Variants in LRBA observed in about 807,000 individuals in gnomAD.
The protein encoded by LRBA is LPS responsive beige-like anchor protein, also known as lipopolysaccharide-responsive and beige-like anchor protein.
In LRBA, 176 loss-of-function variants were observed where a neutral mutation model predicts 330.0. The observed-to-expected ratio is 0.53, with a 90% CI of 0.47 to 0.60. The LOEUF is 0.60. Ranked by LOEUF, LRBA falls within the 20% of genes least tolerant of loss-of-function variation. The pLI is 0.00. For missense variants in LRBA, 3,259 were observed against 3,444.8 expected, an observed-to-expected ratio of 0.95 and a Z score of 1.35; for synonymous variants, 1,230 against 1,193.0, an observed-to-expected ratio of 1.03 and a Z score of -0.64.
In LRBA at chr4:150,467,196, T is replaced by G. The variant is rs569485305; in HGVS notation, c.6780+477A>C. Among the ~76,000 whole-genome samples, 6 of 152,238 alleles carry G rather than the reference T, an allele frequency of 3.9e-5. No homozygotes were observed. In the East Asian group the frequency reaches 9.6e-4, roughly 24 times the overall value. ...AAATACATTGAAATCTATGAGTTCATAAAGATACTTTTTTAATAGTCAGTT... is the reference window on the plus strand; with the variant it reads ...AAATACATTGAAATCTATGAGTTCAGAAAGATACTTTTTTAATAGTCAGTT... On this transcript the variant is annotated intron_variant, in intron 44 of 56. Transcript: ENST00000651943.
chr4:150,344,121 C>T (rs1735952158), intron 48 of LRBA, among the ~76,000 whole-genome samples: 1 of 152,056 alleles, frequency 6.6e-6, no homozygotes, highest in Admixed American at 6.6e-5. Context: ...GGATCTTTCC[C>T]ATTAATATAG....
intron 20 of LRBA, among the ~76,000 whole-genome samples, chr4:150,868,597 G>C (rs1753034265): frequency 6.6e-6 from 1 of 152,140 alleles, no homozygotes; most frequent in Admixed American, 6.6e-5. Context: ...AAATGTCAGT[G>C]AAACTGCTTA....
At chr4:150,608,364 G>A (rs1028446431) in intron 37 of LRBA, among the ~76,000 whole-genome samples, 2 of 152,150 alleles carry the variant, frequency 1.3e-5, no homozygotes, top group Non-Finnish European at 2.9e-5. Context: ...GAAAGATGGG[G>A]ATGAATATTG....
rs147240731 is a variant in LRBA at position 150,770,668 on chromosome 4, A to G, written c.5581-8821T>C. ...GTAACAATTACATTTCTTGTTCTGTAAATGGTCATGTGATCACAGTTGGTA... is the reference window on the plus strand; with the variant it reads ...GTAACAATTACATTTCTTGTTCTGTGAATGGTCATGTGATCACAGTTGGTA... On this transcript the variant is annotated intron_variant, in intron 34 of 56. Coordinates refer to ENST00000651943, the MANE Select transcript of LRBA (RefSeq NM_001364905.1). 3.4e-3 allele frequency among the ~76,000 whole-genome samples: 515 copies of G among 152,120 alleles called. 2 individuals carry two copies. The highest frequency in any genetic ancestry group is 0.012 in the African/African-American group (490 of 41,496).
At chr4:150,454,270 T>C (rs931550162) in intron 44 of LRBA, among the ~76,000 whole-genome samples, 1 of 152,142 alleles carries the variant, frequency 6.6e-6, no homozygotes, top group Non-Finnish European at 1.5e-5. Flanking sequence ...CAAAAATTTG[T>C]ATTTTAATTT....
chr4:150,950,965 A>C (rs1318295547), intron 2 of LRBA, among the ~76,000 whole-genome samples: 2 of 152,232 alleles, frequency 1.3e-5, no homozygotes. Flanking sequence ...GGTGAAAAAG[A>C]AGGGCTCTTG....
chr4:150,657,478 A>G (rs899445249), intron 37 of LRBA, among the ~76,000 whole-genome samples: 2 of 152,024 alleles, frequency 1.3e-5, no homozygotes, highest in Non-Finnish European at 2.9e-5. Flanking sequence ...ACCTCAAATT[A>G]TAGGGAAAAA....
intron 13 of LRBA, among the ~76,000 whole-genome samples, chr4:150,902,789 G>A (rs974690850): frequency 1.3e-5 from 2 of 152,034 alleles, no homozygotes; most frequent in African/African-American, 2.4e-5. Flanking sequence ...CACTCTCCAC[G>A]GATAACACCA....
intron 40 of LRBA, 24 bp from the exon 41 acceptor site, chr4:150,491,059 A>G: frequency 8.2e-7 from 1 of 1,213,806 alleles, no homozygotes; most frequent in Non-Finnish European, 1.2e-6. Context: ...AAATAATCCC[A>G]GGTAAGTAAC....
chr4:150,867,579 TTGA>T, intron 22 of LRBA, 89 bp downstream of exon 22: 1 of 1,018,412 alleles, frequency 9.8e-7, no homozygotes, highest in South Asian at 1.8e-5. Flanking sequence ...CCTTTTTTCC[TTGA>T]TTTTAAGTAT....
intron 44 of LRBA, among the ~76,000 whole-genome samples, chr4:150,450,547 C>A (rs1334401617): frequency 6.6e-6 from 1 of 152,150 alleles, no homozygotes; most frequent in East Asian, 1.9e-4. Flanking sequence ...CATACAAGAA[C>A]ACCAGTCATA....
At position 150,943,056 on chromosome 4, in the gene LRBA, A is replaced by C. The variant is rs539067603; in HGVS notation, c.217-13991T>G. On this transcript the variant is annotated intron_variant, in intron 2 of 56. Coordinates refer to ENST00000651943, the MANE Select transcript of LRBA (RefSeq NM_001364905.1). ...CCTCTCATTGTTTATTGTACCCTTCATAAGAGTTAGAAATTTTCACAGAAT... is the reference window on the plus strand; with the variant it reads ...CCTCTCATTGTTTATTGTACCCTTCCTAAGAGTTAGAAATTTTCACAGAAT... Among the ~76,000 whole-genome samples, 5 of 152,318 alleles carry C rather than the reference A, an allele frequency of 3.3e-5. No homozygotes were observed. The South Asian group carries it at 8.3e-4, about 25-fold the overall frequency.
chr4:150,619,523 G>A (rs935672165), intron 37 of LRBA, among the ~76,000 whole-genome samples: 7 of 152,182 alleles, frequency 4.6e-5, no homozygotes, highest in African/African-American at 7.2e-5. Context: ...GCAAGAAGGC[G>A]TATCTACATA....
At chr4:150,740,733 C>A (rs1731842515) in intron 35 of LRBA, among the ~76,000 whole-genome samples, 1 of 151,530 alleles carries the variant, frequency 6.6e-6, no homozygotes, top group Admixed American at 6.6e-5. Context: ...CAATTCTCCA[C>A]AAAGCTATTT....
chr4:150,899,932 C>T, intron 14 of LRBA, 117 bp downstream of exon 14: 4 of 629,844 alleles, frequency 6.4e-6, no homozygotes, highest in Non-Finnish European at 1.0e-5. Context: ...TAAAATTTTG[C>T]CATAATGGAA....
intron 36 of LRBA, among the ~76,000 whole-genome samples, chr4:150,698,922 T>C (rs1258185157): frequency 6.6e-6 from 1 of 152,164 alleles, no homozygotes; most frequent in Non-Finnish European, 1.5e-5. Flanking sequence ...CTAAAAATAG[T>C]GTGTTCCAGA....
chr4:150,363,521 T>C (rs1739016082), intron 47 of LRBA, among the ~76,000 whole-genome samples: 2 of 152,262 alleles, frequency 1.3e-5, no homozygotes, highest in African/African-American at 4.8e-5. Flanking sequence ...TACTTTTTTA[T>C]TTATTATCTA....
chr4:150,454,672 T>G (rs922072302), intron 44 of LRBA, among the ~76,000 whole-genome samples: 3 of 152,106 alleles, frequency 2.0e-5, no homozygotes, highest in African/African-American at 7.2e-5. Flanking sequence ...GTCTGGGCTT[T>G]TAGTATACTT....
chr4:150,839,954 TTAGC>T (rs1052000682), intron 28 of LRBA, among the ~76,000 whole-genome samples: 2 of 152,184 alleles, frequency 1.3e-5, no homozygotes, highest in African/African-American at 4.8e-5. Context: ...CATCAATTTC[TTAGC>T]TAGCTCTTCT....
Sources: allele counts gnomAD v4.1 joint callset (sites outside exome capture counted in the v4.1 genomes callset), GRCh38; gene constraint gnomAD v4.1.1; transcripts MANE v1.5; gene names NCBI Gene and HGNC (gene_info 2026-07-23, HGNC 2026-07-21).